Variants in TBC1D15 observed in about 807,000 individuals in gnomAD.
TBC1D15 encodes GAP for RAB7.
In TBC1D15, 39 loss-of-function variants were observed where a neutral mutation model predicts 95.4. The observed-to-expected ratio is 0.41, with a 90% CI of 0.32 to 0.53. The LOEUF (loss-of-function observed/expected upper bound fraction) is 0.53, where lower values mean the gene tolerates loss of function less well. TBC1D15 is among the 20% of genes least tolerant of loss of function. TBC1D15 has a pLI of 0.29. For synonymous variants in TBC1D15, 258 were observed against 261.3 expected, an observed-to-expected ratio of 0.99 and a Z score of 0.12; for missense variants, 733 against 794.3, an observed-to-expected ratio of 0.92 and a Z score of 0.93.
At chr12:71,885,728 A>T (rs577124071) in intron 5 of TBC1D15, among the ~76,000 whole-genome samples, 1 of 152,318 alleles carries the variant, frequency 6.6e-6, no homozygotes, top group East Asian at 1.9e-4. Context: ...AATGAGGGGC[A>T]CTTAATTCAG....
intron 4 of TBC1D15, among the ~76,000 whole-genome samples, chr12:71,881,122 C>T (rs1365003577): frequency 6.6e-6 from 1 of 152,086 alleles, no homozygotes; most frequent in Non-Finnish European, 1.5e-5. Context: ...TGTCAGTGGT[C>T]CCATAAGCCC....
Position 71,894,787 on chromosome 12 carries a change from A to G in TBC1D15, c.759A>G (p.Gln253=). 2 of 1,613,374 alleles carry G rather than the reference A, an allele frequency of 1.2e-6. No individual in the cohort carries two copies. Among genetic ancestry groups the G allele is most frequent in the South Asian group, 1.1e-5 (1 of 91,050 alleles). The change falls in exon 7 of 17, where the codon CAA becomes CAG. Residue 253 remains glutamine (Q), a synonymous_variant. Coordinates refer to ENST00000485960, the MANE Select transcript of TBC1D15 (RefSeq NM_001146213.3). ...GAGGCAGCGATCCCTCTACACATCA[A>G]CGACCACCTTCAGAAATGGCAGATT... is the stretch of plus-strand genomic sequence containing the variant. ...SLRGSDPSTH[Q]RPPSEMADFL...
At chr12:71,891,876 A>G (rs1219643646) in intron 5 of TBC1D15, among the ~76,000 whole-genome samples, 2 of 152,024 alleles carry the variant, frequency 1.3e-5, no homozygotes, top group Non-Finnish European at 2.9e-5. Context: ...TTCCTCTTTT[A>G]TATGTATAGG....
intron 5 of TBC1D15, among the ~76,000 whole-genome samples, chr12:71,886,523 A>G (rs1225587464): frequency 6.6e-6 from 1 of 152,226 alleles, no homozygotes; most frequent in Non-Finnish European, 1.5e-5. Context: ...CACCTTGCCC[A>G]AATTTAGATT....
At chr12:71,868,049 C>T (rs2138235569) in intron 1 of TBC1D15, among the ~76,000 whole-genome samples, 1 of 152,052 alleles carries the variant, frequency 6.6e-6, no homozygotes, top group East Asian at 1.9e-4. Flanking sequence ...ATTTTATTTG[C>T]CATTTCTGAC....
At chr12:71,918,688 C>T (rs1868268139) in intron 14 of TBC1D15, 140 bp downstream of exon 14, 1 of 535,806 alleles carries the variant, frequency 1.9e-6, no homozygotes, top group Non-Finnish European at 3.2e-6. Context: ...AACTGGTAGC[C>T]TCTTCTTAAA....
intron 4 of TBC1D15, among the ~76,000 whole-genome samples, chr12:71,883,615 G>A (rs1387705116): frequency 6.6e-6 from 1 of 152,098 alleles, no homozygotes; most frequent in African/African-American, 2.4e-5. Context: ...GGTCAACACT[G>A]ATTAATAAGT....
At chr12:71,844,829 C>T (rs1885911645) in intron 1 of TBC1D15, among the ~76,000 whole-genome samples, 1 of 152,206 alleles carries the variant, frequency 6.6e-6, no homozygotes, top group South Asian at 2.1e-4. Flanking sequence ...CATTGATTTA[C>T]TGGCTTACAT....
At chr12:71,884,440 A>G (rs1895826162) in intron 4 of TBC1D15, among the ~76,000 whole-genome samples, 2 of 152,128 alleles carry the variant, frequency 1.3e-5, no homozygotes, top group Non-Finnish European at 2.9e-5. Context: ...CATTTTACAA[A>G]TGAAGTAACT....
chr12:71,923,508 C>A lies in TBC1D15; in HGVS notation c.*304C>A. The A allele has an allele frequency of 3.9e-6, 1 of 259,728 alleles. No homozygotes were observed. Among genetic ancestry groups the A allele is most frequent in the African/African-American group, 2.2e-5 (1 of 45,200 alleles). The allele number at this position is 259,728 out of a possible 1,614,324, so 16.1% of individuals were successfully genotyped here. ...GCAAGTGGATGAGTTGGAAATTATG[C>A]ACTTTGAAAAACATTCACTTTGTTT... is the stretch of plus-strand genomic sequence containing the variant. On this transcript the variant is annotated 3_prime_UTR_variant, in exon 17 of 17. Coordinates refer to ENST00000485960, the MANE Select transcript of TBC1D15 (RefSeq NM_001146213.3).
rs2139150080 is a variant in TBC1D15 at position 71,923,538 on chromosome 12, T to A, written c.*334T>A. The A allele has an allele frequency of 4.8e-6, 1 of 209,762 alleles. No homozygotes were observed. The highest frequency in any genetic ancestry group is 1.0e-4 in the South Asian group (1 of 9,878). The allele number at this position is 209,762 out of a possible 1,614,324, so 13.0% of individuals were successfully genotyped here. ...TGAAAAACATTCACTTTGTTTAAGCTTATTGGGTTTCAGATTTGATTAAAT... is the reference window on the plus strand; with the variant it reads ...TGAAAAACATTCACTTTGTTTAAGCATATTGGGTTTCAGATTTGATTAAAT... On this transcript the variant is annotated 3_prime_UTR_variant, in exon 17 of 17. Transcript: ENST00000485960.
At chr12:71,915,748 G>A (rs1903563303) in intron 12 of TBC1D15, among the ~76,000 whole-genome samples, 1 of 151,796 alleles carries the variant, frequency 6.6e-6, no homozygotes, top group Non-Finnish European at 1.5e-5. Context: ...ATGTTCTGGG[G>A]ATTTTTCTAG....
chr12:71,910,848 G>A lies in TBC1D15; in HGVS notation c.1301-2978G>A, dbSNP rs150440739. Among the ~76,000 whole-genome samples, 922 of 152,234 alleles carry A rather than the reference G, an allele frequency of 6.1e-3. 5 individuals are homozygous for A. Among genetic ancestry groups the A allele is most frequent in the African/African-American group, 0.021 (888 of 41,534 alleles). ...AGAGTGAACAGGTAACCTACAAAAT[G>A]GGAGAAGGTTTTCACAACCTACTCA... is the stretch of plus-strand genomic sequence containing the variant. On this transcript the variant is annotated intron_variant, in intron 11 of 16. Coordinates refer to ENST00000485960, the MANE Select transcript of TBC1D15 (RefSeq NM_001146213.3).
At chr12:71,888,281 C>T (rs1314560174) in intron 5 of TBC1D15, among the ~76,000 whole-genome samples, 1 of 151,940 alleles carries the variant, frequency 6.6e-6, no homozygotes, top group Non-Finnish European at 1.5e-5. Flanking sequence ...GTCAGGAGTT[C>T]GAGACCAGCC....
intron 5 of TBC1D15, 32 bp from the exon 6 acceptor site, chr12:71,893,190 G>T (rs1258617789): frequency 3.8e-6 from 5 of 1,308,326 alleles, no homozygotes; most frequent in East Asian, 2.5e-5. Flanking sequence ...CAGTGTGTTA[G>T]TATTTTCTAC....
At chr12:71,917,869 T>G (rs894620765) in intron 13 of TBC1D15, 72 bp downstream of exon 13, 1 of 1,040,916 alleles carries the variant, frequency 9.6e-7, no homozygotes, top group Admixed American at 1.9e-5. Flanking sequence ...TAAAGAACTC[T>G]TTAAAGAAGC....
intron 1 of TBC1D15, among the ~76,000 whole-genome samples, chr12:71,863,448 G>T (rs1035646860): frequency 3.3e-5 from 5 of 152,106 alleles, no homozygotes; most frequent in Admixed American, 2.6e-4. Flanking sequence ...GTGACTTGAC[G>T]TTTTTTTCCT....
chr12:71,843,497 T>C (rs1244563945), intron 1 of TBC1D15, among the ~76,000 whole-genome samples: 3 of 152,188 alleles, frequency 2.0e-5, no homozygotes, highest in African/African-American at 7.2e-5. Flanking sequence ...ACTGGATCTT[T>C]TAACATGGTA....
chr12:71,850,365 C>T (rs958113080), intron 1 of TBC1D15: 2 of 330,074 alleles, frequency 6.1e-6, no homozygotes, highest in Non-Finnish European at 5.8e-6. Context: ...CATGTGGAGC[C>T]GGCGGGGTTC....
Sources: gnomAD v4.1 joint callset for allele counts (sites outside exome capture counted in the v4.1 genomes callset) on GRCh38, gnomAD v4.1.1 for gene constraint, MANE v1.5 for transcripts, NCBI Gene and HGNC (gene_info 2026-07-23, HGNC 2026-07-21) for gene names.